The following BBS9 variants were observed in gnomAD, a reference collection of about 807,000 sequenced individuals.
The protein encoded by BBS9 is Bardet-Biedl syndrome 9.
A neutral mutation model predicts 117.7 loss-of-function variants in BBS9; 89 were observed. The ratio of observed to expected loss-of-function variants is 0.76; its 90% CI spans 0.64 to 0.90. BBS9 has a LOEUF of 0.90. BBS9 is among the 40% of genes least tolerant of loss of function. The probability of loss-of-function intolerance (pLI) is 0.00; values close to 1 mark genes in which losing one functional copy is unlikely to be tolerated. For synonymous variants in BBS9, 379 were observed against 370.9 expected, an observed-to-expected ratio of 1.02 and a Z score of -0.25; for missense variants, 982 against 1,042.2, an observed-to-expected ratio of 0.94 and a Z score of 0.80.
chr7:33,152,895 A>G, intron 3 of BBS9, 44 bp downstream of exon 3: 2 of 1,586,702 alleles, frequency 1.3e-6, no homozygotes, highest in Non-Finnish European at 1.7e-6. Flanking sequence ...GGAGTATGTC[A>G]ATCCTTTACA....
chr7:33,498,165 T>G (rs1844986788), intron 19 of BBS9, among the ~76,000 whole-genome samples: 1 of 152,152 alleles, frequency 6.6e-6, no homozygotes, highest in Non-Finnish European at 1.5e-5. Context: ...TGTGGTTGAC[T>G]CCAGTCACAT....
At chr7:33,162,349 A>T (rs982348312) in intron 4 of BBS9, among the ~76,000 whole-genome samples, 1 of 152,098 alleles carries the variant, frequency 6.6e-6, no homozygotes, top group African/African-American at 2.4e-5. Flanking sequence ...TAAAGATCAG[A>T]TGGTTGTAGA....
intron 5 of BBS9, among the ~76,000 whole-genome samples, chr7:33,205,746 A>C (rs1786785761): frequency 6.6e-6 from 1 of 152,160 alleles, no homozygotes; most frequent in South Asian, 2.1e-4. Context: ...CATATATTTG[A>C]TTTCTATTTA....
rs77183570 is a variant in BBS9 at position 33,453,869 on chromosome 7, A to G, written c.2116-51594A>G. On this transcript the variant is annotated intron_variant, in intron 19 of 22. Transcript: ENST00000242067. ...TTATTGTAAGAATACAGTATATAAT[A>G]CATATATTAAATATGTGTTAATTGA... Among the ~76,000 whole-genome samples, 2,741 of 152,290 alleles carry G rather than the reference A, an allele frequency of 0.018. 202 individuals carry two copies. In the East Asian group the frequency reaches 0.26, roughly 15 times the overall value.
At chr7:33,189,936 G>A (rs549520636) in intron 5 of BBS9, among the ~76,000 whole-genome samples, 1 of 151,308 alleles carries the variant, frequency 6.6e-6, no homozygotes. Flanking sequence ...TGCCCAGGCT[G>A]GTCTTGAAGT....
At chr7:33,327,689 G>A (rs1176276407) in intron 9 of BBS9, among the ~76,000 whole-genome samples, 3 of 152,160 alleles carry the variant, frequency 2.0e-5, no homozygotes, top group East Asian at 1.9e-4. Flanking sequence ...GTGAGAGTCT[G>A]TCTCTAAAGA....
intron 12 of BBS9, 128 bp downstream of exon 12, chr7:33,344,762 C>A: frequency 1.0e-6 from 1 of 997,786 alleles, no homozygotes. Flanking sequence ...GTAGATTTTT[C>A]CCCAGCCTTG....
At chr7:33,303,325 A>G (rs1806901723) in intron 9 of BBS9, among the ~76,000 whole-genome samples, 2 of 152,202 alleles carry the variant, frequency 1.3e-5, no homozygotes, top group South Asian at 4.1e-4. Flanking sequence ...TGAAAGTGGC[A>G]TCCTTGCCAT....
At chr7:33,383,923 G>A in intron 18 of BBS9, 85 bp downstream of exon 18, 33 of 1,371,426 alleles carry the variant, frequency 2.4e-5, no homozygotes, top group Non-Finnish European at 3.2e-5. Context: ...CTGTATGCAT[G>A]CCATTAGGCT....
intron 19 of BBS9, among the ~76,000 whole-genome samples, chr7:33,457,065 A>T (rs560977341): frequency 6.6e-6 from 1 of 152,182 alleles, no homozygotes; most frequent in East Asian, 1.9e-4. Flanking sequence ...CCATACGTGT[A>T]CGTCAGACTA....
At chr7:33,142,028 C>G (rs369240759) in intron 1 of BBS9, among the ~76,000 whole-genome samples, 2 of 152,028 alleles carry the variant, frequency 1.3e-5, no homozygotes, top group African/African-American at 4.8e-5. Flanking sequence ...CTCTGCCTCC[C>G]GGGTTCATGC....
chr7:33,208,398 G>T (rs1014470534), intron 5 of BBS9, among the ~76,000 whole-genome samples: 6 of 152,112 alleles, frequency 3.9e-5, no homozygotes, highest in African/African-American at 1.4e-4. Flanking sequence ...GCTACTTCCA[G>T]TGCTGCACCC....
intron 1 of BBS9, among the ~76,000 whole-genome samples, chr7:33,142,297 A>T (rs1791603128): frequency 6.6e-6 from 1 of 152,186 alleles, no homozygotes. Context: ...TTTTTCTTTA[A>T]TGTAAGTTTA....
intron 19 of BBS9, among the ~76,000 whole-genome samples, chr7:33,389,215 T>C (rs1457458993): frequency 6.6e-6 from 1 of 152,162 alleles, no homozygotes; most frequent in African/African-American, 2.4e-5. Flanking sequence ...TTCTAGACGC[T>C]TCACCACAGG....
At chr7:33,593,951 T>C (rs987154224) in intron 21 of BBS9, among the ~76,000 whole-genome samples, 3 of 152,158 alleles carry the variant, frequency 2.0e-5, no homozygotes, top group African/African-American at 7.2e-5. Flanking sequence ...TGTAATTTCT[T>C]AATTCTCGCC....
chr7:33,477,342 A>G (rs150056822), intron 19 of BBS9, among the ~76,000 whole-genome samples: 88 of 152,296 alleles, frequency 5.8e-4, no homozygotes, highest in African/African-American at 1.8e-3. Context: ...TGAGTTTTCT[A>G]TAGGAAATAA....
chr7:33,193,704 C>G (rs1372285313), intron 5 of BBS9, among the ~76,000 whole-genome samples: 1 of 152,132 alleles, frequency 6.6e-6, no homozygotes, highest in African/African-American at 2.4e-5. Context: ...TTGTCTGTAG[C>G]AGCCTTACTG....
chr7:33,303,527 C>CA (rs768692059), intron 9 of BBS9, among the ~76,000 whole-genome samples: 2 of 96,128 alleles, frequency 2.1e-5, no homozygotes, highest in East Asian at 6.7e-4. Context: ...TCCCCTCCCC[C>CA]CGCCCCTTCT....
intron 21 of BBS9, among the ~76,000 whole-genome samples, chr7:33,541,919 G>T (rs571923982): frequency 4.5e-4 from 68 of 151,510 alleles, no homozygotes; most frequent in African/African-American, 1.6e-3. Flanking sequence ...AAAAGGGTAA[G>T]TTATATATGA....
Sources: allele counts gnomAD v4.1 joint callset (sites outside exome capture counted in the v4.1 genomes callset), GRCh38; gene constraint gnomAD v4.1.1; transcripts MANE v1.5; gene names NCBI Gene and HGNC (gene_info 2026-07-23, HGNC 2026-07-21).